Variants in BNC2 observed in about 807,000 individuals in gnomAD.
BNC2 encodes basonuclin zinc finger protein 2.
BNC2 carries 20 observed loss-of-function variants against 76.3 expected under a neutral mutation model. The ratio of observed to expected loss-of-function variants is 0.26; its 90% confidence interval spans 0.18 to 0.38. The LOEUF is 0.38. Among genes scored for constraint, BNC2 ranks in the 10% least tolerant of loss-of-function variants. The pLI is 1.00. For missense variants in BNC2, 1,382 were observed against 1,399.8 expected (o/e 0.99, Z 0.20); for synonymous variants, 582 against 514.8 (o/e 1.13, Z -1.77).
At chr9:16,809,543 T>C (rs1817995190) in intron 1 of BNC2, among the ~76,000 whole-genome samples, 2 of 152,178 alleles carry the variant, frequency 1.3e-5, no homozygotes, top group South Asian at 4.1e-4. Context: ...AGGGTGTACC[T>C]GCTGAATTCC....
intron 5 of BNC2, among the ~76,000 whole-genome samples, chr9:16,528,370 G>T (rs1196161568): frequency 6.6e-6 from 1 of 152,058 alleles, no homozygotes; most frequent in Non-Finnish European, 1.5e-5. Flanking sequence ...ACAAAAACTT[G>T]TTGAGGATAT....
At chr9:16,563,997 T>C (rs541147518) in intron 4 of BNC2, among the ~76,000 whole-genome samples, 145 of 150,882 alleles carry the variant, frequency 9.6e-4, no homozygotes, top group African/African-American at 3.5e-3. Context: ...TAATTTTCAT[T>C]GTAGGCATGC....
intron 5 of BNC2, among the ~76,000 whole-genome samples, chr9:16,518,885 G>A (rs1167549961): frequency 6.6e-6 from 1 of 152,216 alleles, no homozygotes; most frequent in Admixed American, 6.5e-5. Flanking sequence ...ACAGGCGTGA[G>A]CCACTGAGCC....
At position 16,635,644 on chromosome 9, in the gene BNC2, T is replaced by C. The variant is rs183107576; in HGVS notation, c.331-52559A>G. On this transcript the variant is annotated intron_variant, in intron 3 of 6. Transcript: ENST00000380672. The stretch of plus-strand genomic sequence containing the variant: ...GCAAAAGATATAATTAGAAGTCATA[T>C]TTCAAAATTGGACAGACAATTCTAT... Among the ~76,000 whole-genome samples the C allele has an allele frequency of 5.3e-5, 8 of 152,324 alleles. No homozygotes were observed. In the East Asian group the frequency reaches 1.5e-3, roughly 29 times the overall value.
chr9:16,779,642 A>C (rs147044149), intron 1 of BNC2, among the ~76,000 whole-genome samples: 124 of 152,342 alleles, frequency 8.1e-4, no homozygotes, highest in African/African-American at 2.8e-3. Flanking sequence ...CATACAATGA[A>C]ATATTAAGAG....
intron 1 of BNC2, among the ~76,000 whole-genome samples, chr9:16,777,402 T>C (rs1825997977): frequency 6.6e-6 from 1 of 151,862 alleles, no homozygotes; most frequent in Non-Finnish European, 1.5e-5. Context: ...GGAAATTATT[T>C]CATAAGAACT....
chr9:16,824,662 A>G (rs1313916665), intron 1 of BNC2, among the ~76,000 whole-genome samples: 1 of 152,156 alleles, frequency 6.6e-6, no homozygotes, highest in Non-Finnish European at 1.5e-5. Flanking sequence ...CATGCCTGTC[A>G]TGACAAGCAC....
Position 16,418,677 on chromosome 9 carries a change from TG to T in BNC2, c.*311del, listed in dbSNP as rs1820638991. 2 of 304,916 alleles carry T rather than the reference TG, an allele frequency of 6.6e-6. No homozygotes were observed. The highest frequency in any genetic ancestry group is 2.5e-5 in the African/African-American group (1 of 40,148). The allele number at this position is 304,916 out of a possible 1,614,324, so 18.9% of individuals were successfully genotyped here. A position where few individuals can be genotyped will look rare whatever the true frequency, so the allele number is the denominator to read the frequency against. On this transcript the variant is annotated 3_prime_UTR_variant, in exon 7 of 7. Coordinates refer to ENST00000380672, the MANE Select transcript of BNC2 (RefSeq NM_017637.6). The stretch of plus-strand genomic sequence containing the variant: ...GCTAGTTGCACACTGTGTGTGTGTG[TG>T]TGTGTGTGTGTGTATGTGCATGTGT...
chr9:16,434,831 G>A (rs1245680253), intron 6 of BNC2: 1 of 456,584 alleles, frequency 2.2e-6, no homozygotes, highest in Non-Finnish European at 4.4e-6. Flanking sequence ...CCCCTTCTGT[G>A]CATAATCCGC....
chr9:16,436,685 C>T lies in BNC2; in HGVS notation c.1509G>A (p.Arg503=). Reference sequence around the variant, plus strand: ...GAATTAAATCTTTATCTCGGTTATTCCTTAGCATAGGCATGTGAAGGCGAG... The same window carrying T: ...GAATTAAATCTTTATCTCGGTTATTTCTTAGCATAGGCATGTGAAGGCGAG... ...PNPRLHMPML[R]NNRDKDLIRA... The change falls in exon 6 of 7, where the codon AGG becomes AGA. Residue 503 remains arginine, a synonymous_variant. Coordinates refer to ENST00000380672, the MANE Select transcript of BNC2 (RefSeq NM_017637.6). 2 of 1,613,946 alleles carry T rather than the reference C, an allele frequency of 1.2e-6. No individual in the cohort carries two copies. The highest frequency in any genetic ancestry group is 1.7e-6 in the Non-Finnish European group (2 of 1,180,006).
chr9:16,582,081 G>C (rs1819643256), intron 4 of BNC2, among the ~76,000 whole-genome samples: 1 of 152,052 alleles, frequency 6.6e-6, no homozygotes, highest in African/African-American at 2.4e-5. Flanking sequence ...CAACCCACTG[G>C]ATGTTTGGCA....
chr9:16,783,033 T>C (rs2135567431), intron 1 of BNC2, among the ~76,000 whole-genome samples: 1 of 152,286 alleles, frequency 6.6e-6, no homozygotes, highest in Middle Eastern at 3.4e-3. Flanking sequence ...TTAATGCTGC[T>C]TGTGTTTTCA....
intron 1 of BNC2, among the ~76,000 whole-genome samples, chr9:16,855,335 G>A (rs1461535264): frequency 6.6e-6 from 1 of 152,114 alleles, no homozygotes; most frequent in African/African-American, 2.4e-5. Flanking sequence ...CTCTCTCTTA[G>A]GATGACAGCT....
intron 3 of BNC2, among the ~76,000 whole-genome samples, chr9:16,606,703 T>C (rs1820395822): frequency 6.6e-6 from 1 of 151,780 alleles, no homozygotes; most frequent in Non-Finnish European, 1.5e-5. Context: ...GATTATAGGC[T>C]CCCGCCACCA....
chr9:16,672,947 G>C (rs999759032), intron 3 of BNC2, among the ~76,000 whole-genome samples: 3 of 152,172 alleles, frequency 2.0e-5, no homozygotes, highest in Admixed American at 6.5e-5. Context: ...AAAGAAAGCA[G>C]GGTAAACAAC....
chr9:16,524,746 A>G (rs1817740026), intron 5 of BNC2, among the ~76,000 whole-genome samples: 1 of 152,216 alleles, frequency 6.6e-6, no homozygotes. Context: ...CCTTAAGAAA[A>G]TAACAATCCT....
intron 6 of BNC2, chr9:16,434,716 T>C: frequency 4.9e-6 from 2 of 411,676 alleles, no homozygotes; most frequent in Non-Finnish European, 9.7e-6. Flanking sequence ...CTGCTTCTGC[T>C]TAAGCCCAAC....
chr9:16,805,622 C>G (rs1817889102), intron 1 of BNC2, among the ~76,000 whole-genome samples: 1 of 152,110 alleles, frequency 6.6e-6, no homozygotes, highest in South Asian at 2.1e-4. Flanking sequence ...GCCACTGTGC[C>G]TGGCAGGAAA....
intron 1 of BNC2, among the ~76,000 whole-genome samples, chr9:16,787,035 G>C (rs1034677937): frequency 3.3e-5 from 5 of 152,134 alleles, no homozygotes; most frequent in Admixed American, 1.3e-4. Flanking sequence ...ATGGCAGAGG[G>C]GACAGGAAGA....
Sources: gnomAD v4.1 joint callset for allele counts (sites outside exome capture counted in the v4.1 genomes callset) on GRCh38, gnomAD v4.1.1 for gene constraint, MANE v1.5 for transcripts, NCBI Gene and HGNC (gene_info 2026-07-23, HGNC 2026-07-21) for gene names.